TENM4: variants seen among roughly 807,000 people sequenced by gnomAD.
TENM4 encodes teneurin transmembrane protein 4.
In TENM4, 82 loss-of-function variants were observed where a neutral mutation model predicts 243.3. The ratio of observed to expected loss-of-function variants is 0.34; its 90% CI spans 0.28 to 0.40. TENM4 has a LOEUF of 0.40. Among genes scored for constraint, TENM4 ranks in the 10% least tolerant of loss-of-function variants. The pLI is 1.00. For synonymous variants in TENM4, 1,412 were observed against 1,456.3 expected (o/e 0.97, Z 0.69); for missense variants, 3,138 against 3,673.3 (o/e 0.85, Z 3.77).
chr11:79,412,239 C>T (rs1212416145), intron 1 of TENM4, among the ~76,000 whole-genome samples: 2 of 152,222 alleles, frequency 1.3e-5, no homozygotes, highest in South Asian at 2.1e-4. Context: ...AAGCCTGCCA[C>T]GTAAGGATAA....
chr11:79,113,552 G>A (rs908885940), intron 4 of TENM4, among the ~76,000 whole-genome samples: 3 of 151,814 alleles, frequency 2.0e-5, no homozygotes, highest in Non-Finnish European at 2.9e-5. Flanking sequence ...AAAACTCACC[G>A]AGAAAGCAAC....
intron 15 of TENM4, among the ~76,000 whole-genome samples, chr11:78,797,761 A>G (rs559316064): frequency 6.6e-6 from 1 of 152,222 alleles, no homozygotes; most frequent in Admixed American, 6.5e-5. Context: ...AATCTCCTGG[A>G]TATTTATTAT....
chr11:79,269,348 T>C (rs992734378), intron 2 of TENM4, among the ~76,000 whole-genome samples: 5 of 152,254 alleles, frequency 3.3e-5, no homozygotes, highest in Admixed American at 6.5e-5. Flanking sequence ...TGCTATTAAG[T>C]GGTTGTATCC....
chr11:78,691,094 C>T (rs532317326), intron 28 of TENM4, among the ~76,000 whole-genome samples: 2 of 152,312 alleles, frequency 1.3e-5, no homozygotes, highest in South Asian at 2.1e-4. Context: ...CCTGGTTTTT[C>T]CTGTCCCTTC....
chr11:78,902,857 C>A (rs1043531250), intron 7 of TENM4, among the ~76,000 whole-genome samples: 2 of 151,540 alleles, frequency 1.3e-5, no homozygotes, highest in African/African-American at 4.8e-5. Context: ...TAGGGAAAGG[C>A]AAAGATGAGG....
chr11:78,808,869 C>G (rs1857440587), intron 14 of TENM4, among the ~76,000 whole-genome samples: 1 of 152,174 alleles, frequency 6.6e-6, no homozygotes, highest in Non-Finnish European at 1.5e-5. Context: ...TGCCTCAGAT[C>G]TTGGAACCTC....
chr11:79,054,866 C>T (rs1183470280), intron 6 of TENM4, among the ~76,000 whole-genome samples: 5 of 152,078 alleles, frequency 3.3e-5, no homozygotes, highest in African/African-American at 1.2e-4. Flanking sequence ...TGCAGTGACT[C>T]ATGCCTCTAA....
At chr11:78,875,232 AT>A (rs960566760) in intron 9 of TENM4, among the ~76,000 whole-genome samples, 6 of 150,876 alleles carry the variant, frequency 4.0e-5, no homozygotes, top group Non-Finnish European at 7.4e-5. Flanking sequence ...AGTTTCTTTC[AT>A]TTTTTTTTCT....
chr11:79,173,436 C>T (rs1482106130), intron 3 of TENM4, among the ~76,000 whole-genome samples: 1 of 152,010 alleles, frequency 6.6e-6, no homozygotes, highest in African/African-American at 2.4e-5. Context: ...TATGTTCCTC[C>T]AGGAGCTGGC....
chr11:79,097,668 C>T (rs929077807), intron 4 of TENM4: 4 of 152,144 alleles, frequency 2.6e-5, no homozygotes, highest in African/African-American at 9.7e-5. Flanking sequence ...GCCCTGTAAG[C>T]TGAGAATAGA....
At chr11:78,999,233 G>T in intron 6 of TENM4, among the ~76,000 whole-genome samples, 1 of 152,202 alleles carries the variant, frequency 6.6e-6, no homozygotes, top group South Asian at 2.1e-4. Flanking sequence ...TAAACAATGG[G>T]CTGGGCGGGG....
chr11:78,974,668 T>C (rs1478867804), intron 6 of TENM4, among the ~76,000 whole-genome samples: 1 of 151,844 alleles, frequency 6.6e-6, no homozygotes, highest in Non-Finnish European at 1.5e-5. Context: ...AAGTGGTAGC[T>C]CTCCCACACC....
intron 6 of TENM4, among the ~76,000 whole-genome samples, chr11:79,054,419 T>C (rs1859886624): frequency 6.6e-6 from 1 of 152,048 alleles, no homozygotes; most frequent in African/African-American, 2.4e-5. Context: ...TTTTACATCA[T>C]GAATCATGGA....
chr11:79,140,711 C>G (rs1048374829), intron 4 of TENM4, among the ~76,000 whole-genome samples: 1 of 151,992 alleles, frequency 6.6e-6, no homozygotes, highest in South Asian at 2.1e-4. Flanking sequence ...AGAATAGAAG[C>G]CTTCGTTGTC....
At chr11:79,139,649 A>C (rs1220026298) in intron 4 of TENM4, among the ~76,000 whole-genome samples, 1 of 102,568 alleles carries the variant, frequency 9.7e-6, no homozygotes, top group African/African-American at 4.3e-5. Context: ...TATTATATTT[A>C]TATAAGTATA....
intron 6 of TENM4, among the ~76,000 whole-genome samples, chr11:78,921,148 A>T (rs745542913): frequency 2.6e-5 from 4 of 152,340 alleles, no homozygotes; most frequent in Middle Eastern, 3.4e-3. Context: ...TCTACCATTG[A>T]CACTGTATGT....
intron 3 of TENM4, among the ~76,000 whole-genome samples, chr11:79,178,736 G>C (rs954377245): frequency 6.6e-6 from 1 of 152,086 alleles, no homozygotes; most frequent in East Asian, 1.9e-4. Flanking sequence ...ATTCACTTCT[G>C]TCTCCCCCAC....
intron 12 of TENM4, among the ~76,000 whole-genome samples, chr11:78,815,737 C>T (rs1265459577): frequency 3.9e-5 from 6 of 152,302 alleles, no homozygotes; most frequent in East Asian, 1.9e-4. Context: ...TCTCATTTCA[C>T]GGTCACCAAA....
intron 18 of TENM4, among the ~76,000 whole-genome samples, chr11:78,768,647 A>G (rs182245944): frequency 5.3e-4 from 80 of 152,352 alleles, no homozygotes; most frequent in African/African-American, 1.9e-3. Flanking sequence ...AGCTCATTTC[A>G]GCCCATAACA....
Sources: allele counts gnomAD v4.1 joint callset (sites outside exome capture counted in the v4.1 genomes callset), GRCh38; gene constraint gnomAD v4.1.1; transcripts MANE v1.5; gene names NCBI Gene and HGNC (gene_info 2026-07-23, HGNC 2026-07-21).